LRTM2: variants seen among roughly 807,000 people sequenced by gnomAD.
LRTM2 encodes leucine rich repeat transmembrane protein 2, also known as leucine-rich repeat and transmembrane domain-containing protein 2.
A neutral mutation model predicts 28.1 loss-of-function variants in LRTM2; 18 were observed. That is an observed-to-expected ratio of 0.64 (90% CI 0.44 to 0.95). The LOEUF (loss-of-function observed/expected upper bound fraction) is 0.95, where lower values mean the gene tolerates loss of function less well. LRTM2 is among the 40% of genes least tolerant of loss of function. LRTM2 has a pLI of 0.00. For synonymous variants in LRTM2, 250 were observed against 218.7 expected, an observed-to-expected ratio of 1.14 and a Z score of -1.26; for missense variants, 436 against 497.2, an observed-to-expected ratio of 0.88 and a Z score of 1.17.
intron 1 of LRTM2, among the ~76,000 whole-genome samples, chr12:1,823,946 G>C (rs1864214325): frequency 6.6e-6 from 1 of 152,228 alleles, no homozygotes; most frequent in South Asian, 2.1e-4. Flanking sequence ...TTAGGAGCCA[G>C]AGAGCTCGGG....
intron 1 of LRTM2, among the ~76,000 whole-genome samples, chr12:1,826,704 G>T (rs991036854): frequency 1.4e-4 from 17 of 120,926 alleles, no homozygotes; most frequent in African/African-American, 4.2e-4. Context: ...GGCTGCCCTT[G>T]CCGGGGGCAG....
At chr12:1,822,700 AC>A (rs541908764) in intron 1 of LRTM2, among the ~76,000 whole-genome samples, 70 of 152,354 alleles carry the variant, frequency 4.6e-4, no homozygotes, top group African/African-American at 1.7e-3. Context: ...TGTTCCAAGT[AC>A]AAATATAGAG....
Position 1,827,274 on chromosome 12 carries a change from CT to C in LRTM2, c.-258-135del, listed in dbSNP as rs1389736155. 3.4e-5 allele frequency: 4 copies of C among 116,102 alleles called. No individual in the cohort carries two copies. The East Asian group carries it at 1.4e-3, about 42-fold the overall frequency. The allele number at this position is 116,102 out of a possible 1,614,324, so 7.2% of individuals were successfully genotyped here. A position where few individuals can be genotyped will look rare whatever the true frequency, so the allele number is the denominator to read the frequency against. ...CAGCCTGTGTCCCAGTTGGGAGACACTGGGGGGGGCAGACCCTAGAAAGGGT... is the reference window on the plus strand; with the variant it reads ...CAGCCTGTGTCCCAGTTGGGAGACACGGGGGGGGCAGACCCTAGAAAGGGT... On this transcript the variant is annotated intron_variant, in intron 1 of 4. Transcript: ENST00000299194.
chr12:1,822,517 C>G (rs901434837), intron 1 of LRTM2, among the ~76,000 whole-genome samples: 3 of 152,166 alleles, frequency 2.0e-5, no homozygotes, highest in African/African-American at 7.2e-5. Flanking sequence ...GACACCTTAG[C>G]CTCCTTCATG....
intron 3 of LRTM2, among the ~76,000 whole-genome samples, chr12:1,830,675 C>G (rs1342673567): frequency 1.3e-5 from 2 of 152,212 alleles, no homozygotes; most frequent in Non-Finnish European, 2.9e-5. Context: ...GGGTCATTCT[C>G]CACTCAAGTG....
At chr12:1,821,399 G>A (rs548151418) in intron 1 of LRTM2, among the ~76,000 whole-genome samples, 4 of 152,326 alleles carry the variant, frequency 2.6e-5, no homozygotes, top group African/African-American at 7.2e-5. Flanking sequence ...TCCCCCAGAT[G>A]AGCATGGGCC....
At chr12:1,827,216 T>C (rs766177873) in intron 1 of LRTM2, among the ~76,000 whole-genome samples, 194 bp from the exon 2 acceptor site, 12 of 151,280 alleles carry the variant, frequency 7.9e-5, no homozygotes, top group Non-Finnish European at 1.5e-4. Flanking sequence ...AGCCTGGGCC[T>C]CCCATCTGGA....
At chr12:1,823,001 G>A (rs755412390) in intron 1 of LRTM2, among the ~76,000 whole-genome samples, 18 of 152,216 alleles carry the variant, frequency 1.2e-4, no homozygotes, top group Non-Finnish European at 2.2e-4. Flanking sequence ...CTTCTCTCTG[G>A]CCTTCTGCAG....
intron 1 of LRTM2, among the ~76,000 whole-genome samples, chr12:1,824,500 C>A (rs1161680609): frequency 6.6e-6 from 1 of 152,178 alleles, no homozygotes; most frequent in Non-Finnish European, 1.5e-5. Context: ...GCCAGGGACT[C>A]CGTGGAGGCC....
At chr12:1,830,627 C>A (rs1012300628) in intron 3 of LRTM2, among the ~76,000 whole-genome samples, 3 of 152,196 alleles carry the variant, frequency 2.0e-5, no homozygotes, top group African/African-American at 7.2e-5. Context: ...TATCACTGCA[C>A]CAGCATGGCT....
At position 1,833,355 on chromosome 12, in the gene LRTM2, T is replaced by C. The variant is rs1243873408; in HGVS notation, c.659-912T>C. 6.6e-6 allele frequency among the ~76,000 whole-genome samples: 1 copy of C among 152,074 alleles called. No individual in the cohort carries two copies. The highest frequency in any genetic ancestry group is 2.4e-5 in the African/African-American group (1 of 41,384). On this transcript the variant is annotated intron_variant, in intron 4 of 4. Coordinates refer to ENST00000299194, the MANE Select transcript of LRTM2 (RefSeq NM_001039029.3). The surrounding 1 kb of genome is among the most constrained non-coding windows in gnomAD (Gnocchi z 4.2). ...AGCTGAAAGAGGGCCAGAATCCAAC[T>C]TTCACTTCCTAGGGGAGGTCTAGAC...
In LRTM2 at chr12:1,830,919, T is replaced by C; in HGVS notation, c.68-16T>C. On this transcript the variant is annotated splice_polypyrimidine_tract_variant and intron_variant, in intron 3 of 4. Transcript: ENST00000299194. ...GTCCTATTGCTTTCTTTCCCCCGTC[T>C]GTCCCTCCCACCAAGGGATCACCTG... The C allele has an allele frequency of 6.3e-7, 1 of 1,581,106 alleles. No individual in the cohort carries two copies. Among genetic ancestry groups the C allele is most frequent in the African/African-American group, 1.3e-5 (1 of 74,450 alleles).
intron 1 of LRTM2, among the ~76,000 whole-genome samples, chr12:1,826,906 A>C (rs1023875969): frequency 2.0e-5 from 3 of 152,312 alleles, no homozygotes; most frequent in African/African-American, 7.2e-5. Context: ...CGGCAGCTCC[A>C]TCCACCTCTG....
intron 3 of LRTM2, among the ~76,000 whole-genome samples, chr12:1,830,177 G>C (rs1409239503): frequency 6.6e-6 from 1 of 152,264 alleles, no homozygotes; most frequent in Admixed American, 6.5e-5. Context: ...GGGGGTTAAA[G>C]TGGAATGTGT....
chr12:1,832,837 G>C (rs142785954), intron 4 of LRTM2, among the ~76,000 whole-genome samples: 19 of 152,324 alleles, frequency 1.2e-4, no homozygotes, highest in African/African-American at 4.3e-4. Context: ...AAACTCATAA[G>C]TAATTAAATA....
rs201812077 is a variant in LRTM2 at position 1,828,804 on chromosome 12, T to C, written c.67+589T>C. On this transcript the variant is annotated intron_variant, in intron 3 of 4. Transcript: ENST00000299194. This position sits in a 1 kb window ranked among gnomAD's most constrained non-coding sequence, Gnocchi z 4.2. ...TCCTGCATATAGGCAGACTGAGCCG[T>C]CCATTTACCAAAAAGGGGAGGAAGC... 1.6e-4 allele frequency among the ~76,000 whole-genome samples: 25 copies of C among 152,218 alleles called. No homozygotes were observed. In the East Asian group the frequency reaches 4.6e-3, roughly 28 times the overall value.
At chr12:1,824,480 T>G (rs1356674694) in intron 1 of LRTM2, among the ~76,000 whole-genome samples, 1 of 152,186 alleles carries the variant, frequency 6.6e-6, no homozygotes, top group Non-Finnish European at 1.5e-5. Context: ...TGGCTCTCTC[T>G]GGAAGGGAGG....
Position 1,835,046 on chromosome 12 carries a change from C to T in LRTM2, c.*325C>T. The T allele has an allele frequency of 3.4e-6, 1 of 294,264 alleles. No individual in the cohort carries two copies. The highest frequency in any genetic ancestry group is 6.3e-6 in the Non-Finnish European group (1 of 158,158). 18.2% of individuals were successfully genotyped at this position (294,264 alleles called of 1,614,324 possible). ...CCGGACTGGGCATTCCCCTGTCGCC[C>T]TTCCTGCCCTGGGGTGGCCATAGCT... On this transcript the variant is annotated 3_prime_UTR_variant, in exon 5 of 5. Coordinates refer to ENST00000299194, the MANE Select transcript of LRTM2 (RefSeq NM_001039029.3).
chr12:1,833,010 G>A lies in LRTM2; in HGVS notation c.659-1257G>A, dbSNP rs1371984783. The stretch of plus-strand genomic sequence containing the variant: ...TTTGCTGCAGGCCACCGAGGTGTCA[G>A]CCGCACAGGGGAACTAGGCCGGGTG... On this transcript the variant is annotated intron_variant, in intron 4 of 4. Coordinates refer to ENST00000299194, the MANE Select transcript of LRTM2 (RefSeq NM_001039029.3). The surrounding 1 kb of genome is among the most constrained non-coding windows in gnomAD (Gnocchi z 4.2). Among the ~76,000 whole-genome samples, 1 of 152,180 alleles carries A rather than the reference G, an allele frequency of 6.6e-6. No individual in the cohort carries two copies. The highest frequency in any genetic ancestry group is 6.5e-5 in the Admixed American group (1 of 15,280).
Sources: gnomAD v4.1 joint callset for allele counts (sites outside exome capture counted in the v4.1 genomes callset) on GRCh38, gnomAD v4.1.1 for gene constraint, Gnocchi (gnomAD v3.1) non-coding constraint, MANE v1.5 for transcripts, NCBI Gene and HGNC (gene_info 2026-07-23, HGNC 2026-07-21) for gene names.